Variants in KATNIP observed in about 807,000 individuals in gnomAD.
KATNIP encodes katanin interacting protein.
KATNIP carries 126 observed loss-of-function variants against 174.0 expected under a neutral mutation model. The observed-to-expected ratio is 0.72, with a 90% CI of 0.63 to 0.84. The LOEUF (loss-of-function observed/expected upper bound fraction) is 0.84, where lower values mean the gene tolerates loss of function less well. KATNIP is among the 40% of genes least tolerant of loss of function. The pLI is 0.00. For missense variants in KATNIP, 1,958 were observed against 2,109.7 expected, an observed-to-expected ratio of 0.93 and a Z score of 1.41; for synonymous variants, 810 against 835.7, an observed-to-expected ratio of 0.97 and a Z score of 0.53.
chr16:27,774,187 G>T (rs1404060780), intron 23 of KATNIP, among the ~76,000 whole-genome samples: 3 of 152,126 alleles, frequency 2.0e-5, no homozygotes, highest in Non-Finnish European at 1.5e-5. Context: ...TGGGGTCCCT[G>T]GCTTCCAGTT....
At chr16:27,701,546 G>T in intron 10 of KATNIP, 43 bp from the exon 11 acceptor site, 1 of 1,457,910 alleles carries the variant, frequency 6.9e-7, no homozygotes, top group Non-Finnish European at 9.4e-7. Flanking sequence ...TAGGCCAGGA[G>T]TGTTGCCTGA....
chr16:27,750,112 C>T lies in KATNIP; in HGVS notation c.3152C>T (p.Pro1051Leu), dbSNP rs1284435230. Residue 1051 changes from proline to leucine, a missense_variant, in exon 16 of 28, where the codon CCC (proline) becomes CTC (leucine). By Grantham distance (98) the Pro-to-Leu change is moderately conservative (BLOSUM62 -3). This residue lies in a region of KATNIP where 1,557 missense variants were observed against 1,617.8 expected (regional missense o/e 0.96). Coordinates refer to ENST00000261588, the MANE Select transcript of KATNIP (RefSeq NM_015202.5). ...TQDDMHVWLAPFTRGRSHSIT... is the reference protein window; with the variant it reads ...TQDDMHVWLALFTRGRSHSIT... Reference sequence around the variant, plus strand: ...GATGACATGCATGTCTGGCTGGCCCCCTTCACGCGGGGCAGATCCCACTCC... The same window carrying T: ...GATGACATGCATGTCTGGCTGGCCCTCTTCACGCGGGGCAGATCCCACTCC... The T allele has an allele frequency of 1.9e-6, 3 of 1,614,180 alleles. No homozygotes were observed. Among genetic ancestry groups the T allele is most frequent in the Admixed American group, 3.3e-5 (2 of 60,012 alleles).
At chr16:27,685,003 CTTAA>C (rs1364801783) in intron 8 of KATNIP, among the ~76,000 whole-genome samples, 1 of 152,168 alleles carries the variant, frequency 6.6e-6, no homozygotes, top group Non-Finnish European at 1.5e-5. Flanking sequence ...AGAAATAGAG[CTTAA>C]TTAATTTATG....
intron 14 of KATNIP, among the ~76,000 whole-genome samples, chr16:27,726,654 G>A (rs988563351): frequency 1.3e-5 from 2 of 152,154 alleles, no homozygotes; most frequent in South Asian, 2.1e-4. Flanking sequence ...TAAGTGTTCC[G>A]AAGACAATAA....
chr16:27,751,629 G>T, intron 16 of KATNIP, 90 bp from the exon 17 acceptor site: 1 of 1,223,658 alleles, frequency 8.2e-7, no homozygotes, highest in African/African-American at 1.5e-5. Context: ...GGGTTGTACA[G>T]CACAGAAGTG....
intron 2 of KATNIP, among the ~76,000 whole-genome samples, chr16:27,607,028 A>C (rs1027923985): frequency 6.6e-6 from 1 of 152,120 alleles, no homozygotes; most frequent in Non-Finnish European, 1.5e-5. Context: ...AGGAGAGATA[A>C]GGACTTTTCC....
intron 5 of KATNIP, among the ~76,000 whole-genome samples, chr16:27,647,433 C>G (rs920197965): frequency 2.6e-5 from 4 of 151,890 alleles, no homozygotes; most frequent in Non-Finnish European, 4.4e-5. Context: ...CCTCGAACTC[C>G]TGGGCTCAAG....
chr16:27,582,031 A>G (rs1471485537), intron 2 of KATNIP, among the ~76,000 whole-genome samples: 1 of 152,108 alleles, frequency 6.6e-6, no homozygotes, highest in African/African-American at 2.4e-5. Context: ...GCAATTGTGA[A>G]TTGCAGCACC....
chr16:27,758,041 G>A (rs1434081640), intron 18 of KATNIP, among the ~76,000 whole-genome samples: 1 of 152,172 alleles, frequency 6.6e-6, no homozygotes, highest in Non-Finnish European at 1.5e-5. Flanking sequence ...AAATGAATAT[G>A]GAATGTTGGA....
At chr16:27,609,378 CTTTTTTTTTT>C (rs35339029) in intron 2 of KATNIP, among the ~76,000 whole-genome samples, 1 of 55,632 alleles carries the variant, frequency 1.8e-5, no homozygotes, top group African/African-American at 8.2e-5. Flanking sequence ...TGAGTTAAGT[CTTTTTTTTTT>C]TTTTTTTTTT....
chr16:27,760,277 A>T (rs1370800746), intron 18 of KATNIP, among the ~76,000 whole-genome samples: 1 of 152,196 alleles, frequency 6.6e-6, no homozygotes, highest in Non-Finnish European at 1.5e-5. Flanking sequence ...ATATGCGGCA[A>T]ATTCTCTAAG....
chr16:27,569,588 G>A (rs531469622), intron 1 of KATNIP, among the ~76,000 whole-genome samples: 1 of 152,334 alleles, frequency 6.6e-6, no homozygotes, highest in African/African-American at 2.4e-5. Context: ...GTTGTTGTGA[G>A]AATAAATGAG....
chr16:27,677,984 C>A lies in KATNIP; in HGVS notation c.796C>A (p.Pro266Thr). The A allele has an allele frequency of 6.2e-7, 1 of 1,613,800 alleles. No homozygotes were observed. Among genetic ancestry groups the A allele is most frequent in the South Asian group, 1.1e-5 (1 of 91,066 alleles). The change falls in exon 7 of 28, where the codon CCA (proline) becomes ACA (threonine). Residue 266 changes from proline (P) to threonine (T), a missense_variant. By Grantham distance (38) the Pro-to-Thr change is conservative. Coordinates refer to ENST00000261588, the MANE Select transcript of KATNIP (RefSeq NM_015202.5). ...CACCCTCGTGGTGCTGGAATTTAAC[C>A]CAGCTTCCAAAAGTGAGCTCTGTCT... ...PDTLVVLEFN[P>T]ASKSHKRERN...
chr16:27,582,525 A>G (rs1264750334), intron 2 of KATNIP, among the ~76,000 whole-genome samples: 5 of 152,174 alleles, frequency 3.3e-5, no homozygotes, highest in African/African-American at 1.2e-4. Context: ...GAGAACTTGA[A>G]GAGAGGGGCC....
intron 16 of KATNIP, among the ~76,000 whole-genome samples, chr16:27,750,947 C>T (rs534009524): frequency 5.9e-5 from 9 of 151,990 alleles, no homozygotes; most frequent in South Asian, 2.1e-4. Context: ...AGGCTGGTCT[C>T]GAACTCCTGG....
intron 1 of KATNIP, among the ~76,000 whole-genome samples, chr16:27,567,243 T>C (rs1236660087): frequency 6.6e-6 from 1 of 152,188 alleles, no homozygotes; most frequent in South Asian, 2.1e-4. Flanking sequence ...TATGTTATGT[T>C]TTTTACACAT....
chr16:27,699,440 G>A, intron 9 of KATNIP, 94 bp from the exon 10 acceptor site: 4 of 1,554,942 alleles, frequency 2.6e-6, no homozygotes, highest in Non-Finnish European at 3.5e-6. Flanking sequence ...GCTTGAGAAG[G>A]TCCCTGCCCT....
chr16:27,676,147 C>T (rs1462356947), intron 6 of KATNIP, among the ~76,000 whole-genome samples: 1 of 152,188 alleles, frequency 6.6e-6, no homozygotes, highest in East Asian at 1.9e-4. Flanking sequence ...TCACATTTTA[C>T]TTTAAGCAGC....
intron 14 of KATNIP, among the ~76,000 whole-genome samples, chr16:27,728,518 C>G (rs1172970981): frequency 6.6e-6 from 1 of 150,984 alleles, no homozygotes; most frequent in Admixed American, 6.6e-5. Flanking sequence ...GCAAACTCTA[C>G]CCCCTGGGTT....
Sources: allele counts gnomAD v4.1 joint callset (sites outside exome capture counted in the v4.1 genomes callset), GRCh38; gene constraint gnomAD v4.1.1; regional missense constraint gnomAD v4.1.1; transcripts MANE v1.5; gene names NCBI Gene and HGNC (gene_info 2026-07-23, HGNC 2026-07-21).